RNF138: variants seen among roughly 807,000 people sequenced by gnomAD.
RNF138 encodes E3 ubiquitin-protein ligase RNF138.
In RNF138, 12 loss-of-function variants were observed where a neutral mutation model predicts 31.0. The ratio of observed to expected loss-of-function variants is 0.39; its 90% CI spans 0.25 to 0.63. The LOEUF (loss-of-function observed/expected upper bound fraction) is 0.63. Ranked by LOEUF, RNF138 falls within the 20% of genes least tolerant of loss-of-function variation. RNF138 has a pLI of 0.52. For missense variants in RNF138, 192 were observed against 300.1 expected, an observed-to-expected ratio of 0.64 and a Z score of 2.66; for synonymous variants, 105 against 99.5, an observed-to-expected ratio of 1.06 and a Z score of -0.33.
chr18:32,103,262 C>T (rs949840709), intron 2 of RNF138, among the ~76,000 whole-genome samples: 1 of 152,036 alleles, frequency 6.6e-6, no homozygotes, highest in Non-Finnish European at 1.5e-5. Context: ...GATCATTGTT[C>T]ACTGTAGCTT....
At chr18:32,107,361 TCCGCCCTCC>T (rs1352348625) in intron 2 of RNF138, among the ~76,000 whole-genome samples, 4 of 151,550 alleles carry the variant, frequency 2.6e-5, no homozygotes, top group Non-Finnish European at 4.4e-5. Context: ...GCTCAGGCAG[TCCGCCCTCC>T]TCGGCCTCCC....
intron 2 of RNF138, among the ~76,000 whole-genome samples, chr18:32,110,235 C>CTCCT (rs2040104079): frequency 6.6e-6 from 1 of 152,296 alleles, no homozygotes; most frequent in Non-Finnish European, 1.5e-5. Flanking sequence ...TCAAGCTGTC[C>CTCCT]TCCTGCCTTG....
Position 32,127,631 on chromosome 18 carries a change from G to A in RNF138, c.669+831G>A, listed in dbSNP as rs149562419. 9.1e-4 allele frequency among the ~76,000 whole-genome samples: 139 copies of A among 152,212 alleles called. 2 individuals carry two copies. The East Asian group carries it at 0.021, about 23-fold the overall frequency. The stretch of plus-strand genomic sequence containing the variant: ...AAATTCAAATATATGTAAAATTTAG[G>A]TGCGCTTTATTGCTTTAGCAATTTT... On this transcript the variant is annotated intron_variant, in intron 7 of 7. Transcript: ENST00000261593.
chr18:32,106,124 T>C (rs998427310), intron 2 of RNF138, among the ~76,000 whole-genome samples: 3 of 152,226 alleles, frequency 2.0e-5, no homozygotes, highest in African/African-American at 7.2e-5. Context: ...AAAAAAATTT[T>C]AGGGTGAAGT....
chr18:32,094,339 G>T (rs552501194), intron 2 of RNF138, among the ~76,000 whole-genome samples: 1 of 151,744 alleles, frequency 6.6e-6, no homozygotes, highest in Non-Finnish European at 1.5e-5. Context: ...AATCTTAACT[G>T]CACTGTCTAC....
intron 7 of RNF138, among the ~76,000 whole-genome samples, chr18:32,127,093 AAAT>A (rs796228661): frequency 5.3e-5 from 8 of 152,312 alleles, no homozygotes; most frequent in African/African-American, 1.7e-4. Context: ...ATTTAAGGGA[AAAT>A]TGTACCTACA....
At chr18:32,122,645 G>A (rs2040324837) in intron 4 of RNF138, among the ~76,000 whole-genome samples, 2 of 152,040 alleles carry the variant, frequency 1.3e-5, no homozygotes, top group Non-Finnish European at 2.9e-5. Context: ...CTAACATGGC[G>A]AAACCCCGTC....
Position 32,094,198 on chromosome 18 carries a change from AC to A in RNF138, c.110+1313del, listed in dbSNP as rs1305657634. Among the ~76,000 whole-genome samples, 5 of 138,172 alleles carry A rather than the reference AC, an allele frequency of 3.6e-5. No individual in the cohort carries two copies. In the South Asian group the frequency reaches 1.2e-3, roughly 32 times the overall value. 90.6% of individuals were successfully genotyped at this position (138,172 alleles called of 152,430 possible). ...TCTAAATGTATTTCATTCTCCTTCGACTTTTTTTTCTTTTTTTTTTGAGGTG... is the reference window on the plus strand; with the variant it reads ...TCTAAATGTATTTCATTCTCCTTCGATTTTTTTTCTTTTTTTTTTGAGGTG... On this transcript the variant is annotated intron_variant, in intron 2 of 7. Transcript: ENST00000261593.
chr18:32,105,427 T>C (rs2040012776), intron 2 of RNF138, among the ~76,000 whole-genome samples: 1 of 152,188 alleles, frequency 6.6e-6, no homozygotes, highest in South Asian at 2.1e-4. Flanking sequence ...GATAAATGAC[T>C]AGAATATACT....
At chr18:32,115,677 G>A (rs116132001) in intron 4 of RNF138, among the ~76,000 whole-genome samples, 2,464 of 152,172 alleles carry the variant, frequency 0.016, 62 homozygotes, top group African/African-American at 0.056. Flanking sequence ...CCTAGGAAAC[G>A]GAGGTTGCAG....
Position 32,130,007 on chromosome 18 carries a change from A to C in RNF138, c.*820A>C. 1 of 152,378 alleles carries C rather than the reference A, an allele frequency of 6.6e-6. No individual in the cohort carries two copies. The highest frequency in any genetic ancestry group is 1.9e-4 in the East Asian group (1 of 5,196). The allele number at this position is 152,378 out of a possible 1,614,324, so 9.4% of individuals were successfully genotyped here. ...AGAAACTTTCAGTTGGTGATATTGTATTCTAGAAGATATAAATGAGAGGTT... is the reference window on the plus strand; with the variant it reads ...AGAAACTTTCAGTTGGTGATATTGTCTTCTAGAAGATATAAATGAGAGGTT... On this transcript the variant is annotated 3_prime_UTR_variant, in exon 8 of 8. Coordinates refer to ENST00000261593, the MANE Select transcript of RNF138 (RefSeq NM_016271.5).
At chr18:32,126,541 G>T in intron 6 of RNF138, 152 bp from the exon 7 acceptor site, 1 of 497,156 alleles carries the variant, frequency 2.0e-6, no homozygotes. Context: ...GTAATTGATT[G>T]GGAAATGATC....
At chr18:32,121,089 C>T (rs1233049660) in intron 4 of RNF138, among the ~76,000 whole-genome samples, 5 of 150,842 alleles carry the variant, frequency 3.3e-5, no homozygotes, top group Non-Finnish European at 5.9e-5. Flanking sequence ...TAGCCGCGAT[C>T]GCGCCGCTGC....
intron 3 of RNF138, among the ~76,000 whole-genome samples, chr18:32,112,128 A>G (rs1406349757): frequency 6.6e-6 from 1 of 152,038 alleles, no homozygotes; most frequent in Non-Finnish European, 1.5e-5. Flanking sequence ...AAAAAAAATC[A>G]CTGAATTTCA....
intron 5 of RNF138, 90 bp from the exon 6 acceptor site, chr18:32,124,644 A>G: frequency 1.5e-6 from 1 of 685,790 alleles, no homozygotes; most frequent in South Asian, 1.7e-5. Context: ...AACTTTTTTA[A>G]AAAATGTATA....
chr18:32,106,520 A>T (rs1482142052), intron 2 of RNF138, among the ~76,000 whole-genome samples: 3 of 151,846 alleles, frequency 2.0e-5, no homozygotes, highest in Non-Finnish European at 4.4e-5. Context: ...GGAAGATACT[A>T]GAAGTTGAAA....
intron 2 of RNF138, among the ~76,000 whole-genome samples, chr18:32,096,127 TTGAG>T (rs1182069228): frequency 9.9e-5 from 15 of 152,172 alleles, no homozygotes; most frequent in African/African-American, 3.6e-4. Context: ...GTAAGCTAAT[TTGAG>T]TGTTTTCCTG....
intron 4 of RNF138, among the ~76,000 whole-genome samples, chr18:32,121,688 C>T (rs191886132): frequency 6.6e-6 from 1 of 152,064 alleles, no homozygotes; most frequent in Admixed American, 6.6e-5. Flanking sequence ...AAACATCTAC[C>T]AATTTTAAAT....
chr18:32,092,651 G>T (rs771244622), intron 1 of RNF138, 49 bp from the exon 2 acceptor site: 15 of 653,472 alleles, frequency 2.3e-5, no homozygotes, highest in Non-Finnish European at 3.6e-5. Flanking sequence ...CCTTCCTGGC[G>T]CGCGCTGTAT....
Sources: allele counts gnomAD v4.1 joint callset (sites outside exome capture counted in the v4.1 genomes callset), GRCh38; gene constraint gnomAD v4.1.1; transcripts MANE v1.5; gene names NCBI Gene and HGNC (gene_info 2026-07-23, HGNC 2026-07-21).